NODAL: variants seen among roughly 807,000 people sequenced by gnomAD.
NODAL encodes nodal growth differentiation factor, also known as nodal homolog.
NODAL carries 12 observed loss-of-function variants against 34.0 expected under a neutral mutation model. That is an observed-to-expected ratio of 0.35 (90% CI 0.23 to 0.57). The LOEUF (loss-of-function observed/expected upper bound fraction) is 0.57, where lower values mean the gene tolerates loss of function less well. Among genes scored for constraint, NODAL ranks in the 20% least tolerant of loss-of-function variants. The probability of loss-of-function intolerance (pLI) is 0.83; values close to 1 mark genes in which losing one functional copy is unlikely to be tolerated. For missense variants in NODAL, 390 were observed against 444.2 expected (o/e 0.88, Z 1.10); for synonymous variants, 162 against 186.4 (o/e 0.87, Z 1.07).
upstream of NODAL, chr10:70,441,734 GCC>G: frequency 6.7e-7 from 1 of 1,483,796 alleles, no homozygotes; most frequent in Non-Finnish European, 9.2e-7. Context: ...CAGCCGCCCC[GCC>G]CCCACCTTTC....
In NODAL at chr10:70,441,480, G is replaced by C; in HGVS notation, c.188C>G (p.Ala63Gly). The C allele has an allele frequency of 6.3e-7, 1 of 1,581,804 alleles. No individual in the cohort carries two copies. Among genetic ancestry groups the C allele is most frequent in the Non-Finnish European group, 8.6e-7 (1 of 1,166,118 alleles). Residue 63 changes from alanine (A) to glycine (G), a missense_variant, in exon 1 of 3, where the codon GCA becomes GGA. Transcript: ENST00000287139. ...CGGCACGCGGCACTGCCTACCTTCTGCCTGTAGGCTGCGGATGATGTCTGC... is the reference window on the plus strand; with the variant it reads ...CGGCACGCGGCACTGCCTACCTTCTCCCTGTAGGCTGCGGATGATGTCTGC... ...PRADIIRSLQ[A>G]EDVAVDGQNW...
intron 2 of NODAL, 139 bp from the exon 3 acceptor site, chr10:70,433,227 G>A (rs1845292870): frequency 3.2e-6 from 3 of 929,584 alleles, no homozygotes; most frequent in Admixed American, 1.9e-5. Context: ...TTTTCATAAA[G>A]GAATTAGCTT....
chr10:70,433,831 CAG>C (rs1339104608), intron 2 of NODAL, among the ~76,000 whole-genome samples: 18 of 152,156 alleles, frequency 1.2e-4, no homozygotes, highest in African/African-American at 3.9e-4. Context: ...CAGAGAAGGA[CAG>C]AGAGAGTCAA....
chr10:70,447,916 G>C (rs143643460), intron 1 of NODAL: 1 of 471,098 alleles, frequency 2.1e-6, no homozygotes. Context: ...CAAGTCTCTC[G>C]CTTCTACCTT....
intron 1 of NODAL, among the ~76,000 whole-genome samples, chr10:70,438,705 G>C (rs766652069): frequency 9.9e-5 from 15 of 152,176 alleles, no homozygotes; most frequent in Non-Finnish European, 1.9e-4. Context: ...TAGGGAAGAG[G>C]CTGCTCCTTC....
rs1368298845 is a variant in NODAL, at chr10:70,435,294, A to G, written c.883T>C (p.Tyr295His). The G allele has an allele frequency of 6.2e-7, 1 of 1,609,980 alleles. No homozygotes were observed. Among genetic ancestry groups the G allele is most frequent in the Admixed American group, 1.7e-5 (1 of 59,310 alleles). The change falls in exon 2 of 3, where the codon TAC (tyrosine) becomes CAC (histidine). Residue 295 changes from tyrosine to histidine, a missense_variant. Tyr to His is a moderately conservative substitution (Grantham distance 83). Coordinates refer to ENST00000287139, the MANE Select transcript of NODAL (RefSeq NM_018055.5). Reference sequence around the variant, plus strand: ...CACGCCTGGCATCCCACCTGGATGTATGCATGGTTGGTCGGATGAAACTCC... The same window carrying G: ...CACGCCTGGCATCCCACCTGGATGTGTGCATGGTTGGTCGGATGAAACTCC... ...GEEFHPTNHA[Y>H]IQSLLKRYQP... is the part of the protein sequence containing the mutation.
chr10:70,441,004 G>T (rs1453006905), intron 1 of NODAL, among the ~76,000 whole-genome samples: 1 of 152,228 alleles, frequency 6.6e-6, no homozygotes, highest in Non-Finnish European at 1.5e-5. Flanking sequence ...GACTGTGGCT[G>T]TGCCGGGTAC....
upstream of NODAL, among the ~76,000 whole-genome samples, chr10:70,443,407 G>C (rs1450842436): frequency 6.6e-6 from 1 of 152,148 alleles, no homozygotes; most frequent in Non-Finnish European, 1.5e-5. Flanking sequence ...AAATAATTCA[G>C]GCCAGGTGTG....
chr10:70,440,682 G>A (rs1192885997), intron 1 of NODAL, among the ~76,000 whole-genome samples: 2 of 152,310 alleles, frequency 1.3e-5, no homozygotes, highest in East Asian at 1.9e-4. Flanking sequence ...CGCGCTGCCA[G>A]GTCCTCGAGG....
Position 70,432,740 on chromosome 10 carries a change from A to G in NODAL, c.*196T>C, listed in dbSNP as rs1328356669. On this transcript the variant is annotated 3_prime_UTR_variant, in exon 3 of 3. Coordinates refer to ENST00000287139, the MANE Select transcript of NODAL (RefSeq NM_018055.5). ...AGGCTTCTTCCTCCCTCTTCCTGAC[A>G]GCAGCCTCTGTGCTTGGCCAGACTC... 6 of 642,512 alleles carry G rather than the reference A, an allele frequency of 9.3e-6. No individual in the cohort carries two copies. In the East Asian group the frequency reaches 1.7e-4, roughly 18 times the overall value. The allele number at this position is 642,512 out of a possible 1,614,324, so 39.8% of individuals were successfully genotyped here.
In NODAL at chr10:70,432,640, A is replaced by G. The variant is rs1444972299; in HGVS notation, c.*296T>C. The stretch of plus-strand genomic sequence containing the variant: ...TTCACAGGTTTTTAAAAAATCCAGT[A>G]AAGAACTCATGCACTTGTGCTTTTC... On this transcript the variant is annotated 3_prime_UTR_variant, in exon 3 of 3. Coordinates refer to ENST00000287139, the MANE Select transcript of NODAL (RefSeq NM_018055.5). 2 of 441,948 alleles carry G rather than the reference A, an allele frequency of 4.5e-6. No homozygotes were observed. The highest frequency in any genetic ancestry group is 2.1e-5 in the South Asian group (1 of 46,720). The allele number at this position is 441,948 out of a possible 1,614,324, so 27.4% of individuals were successfully genotyped here.
chr10:70,436,131 A>G (rs1467573814), intron 1 of NODAL, 148 bp from the exon 2 acceptor site: 2 of 718,810 alleles, frequency 2.8e-6, no homozygotes, highest in East Asian at 5.4e-5. Flanking sequence ...TGAGTTGGTA[A>G]GATTTTCGAG....
At chr10:70,435,125 G>A (rs1845326965) in intron 2 of NODAL, 161 bp downstream of exon 2, 2 of 662,126 alleles carry the variant, frequency 3.0e-6, no homozygotes, top group African/African-American at 3.6e-5. Context: ...TGTTACACTC[G>A]GTCATCTCTA....
rs543607155 is a variant in NODAL at position 70,432,608 on chromosome 10, C to T, written c.*328G>A. The T allele has an allele frequency of 2.9e-3, 1,108 of 387,822 alleles. 5 individuals carry two copies. Among genetic ancestry groups the T allele is most frequent in the Non-Finnish European group, 4.6e-3 (930 of 203,182 alleles). The allele number at this position is 387,822 out of a possible 1,614,324, so 24.0% of individuals were successfully genotyped here. On this transcript the variant is annotated 3_prime_UTR_variant, in exon 3 of 3. Coordinates refer to ENST00000287139, the MANE Select transcript of NODAL (RefSeq NM_018055.5). The stretch of plus-strand genomic sequence containing the variant: ...ATGTCTCAACTTTCACATACAGTTT[C>T]GGGGGGTTCACAGGTTTTTAAAAAA...
intron 1 of NODAL, 25 bp downstream of exon 1, chr10:70,441,450 G>A: frequency 6.4e-7 from 1 of 1,557,292 alleles, no homozygotes; most frequent in Non-Finnish European, 8.7e-7. Flanking sequence ...GTGCCCAGCA[G>A]GGCGCGGCAC....
At chr10:70,442,049 C>T (rs1185060922), upstream of NODAL, among the ~76,000 whole-genome samples, 2 of 152,152 alleles carry the variant, frequency 1.3e-5, no homozygotes, top group Admixed American at 6.5e-5. Flanking sequence ...CCTGCCCCAT[C>T]CTCTCCACTC....
At chr10:70,436,429 T>G in intron 1 of NODAL, 1 of 254,256 alleles carries the variant, frequency 3.9e-6, no homozygotes, top group Non-Finnish European at 7.8e-6. Context: ...CAAAATTAGC[T>G]GGGCGTGGTG....
upstream of NODAL, among the ~76,000 whole-genome samples, chr10:70,443,041 C>T (rs950612822): frequency 2.6e-5 from 4 of 152,064 alleles, no homozygotes; most frequent in East Asian, 1.9e-4. Flanking sequence ...AAGCCAAGAT[C>T]GGGCCACTGC....
chr10:70,446,181 G>A (rs778073521), upstream of NODAL, among the ~76,000 whole-genome samples: 1 of 152,168 alleles, frequency 6.6e-6, no homozygotes, highest in Admixed American at 6.5e-5. Flanking sequence ...CAGACTGACC[G>A]TCAGATTCCC....
Sources: allele counts gnomAD v4.1 joint callset (sites outside exome capture counted in the v4.1 genomes callset), GRCh38; gene constraint gnomAD v4.1.1; transcripts MANE v1.5; gene names NCBI Gene and HGNC (gene_info 2026-07-23, HGNC 2026-07-21).